The following ATR variants were observed in gnomAD, a reference collection of about 807,000 sequenced individuals.
The protein encoded by ATR is serine/threonine-protein kinase ATR.
ATR carries 142 observed loss-of-function variants against 305.3 expected under a neutral mutation model. The ratio of observed to expected loss-of-function variants is 0.47; its 90% CI spans 0.41 to 0.53. The LOEUF (loss-of-function observed/expected upper bound fraction) is 0.53. ATR is among the 20% of genes least tolerant of loss of function. The pLI, the probability that ATR is intolerant of heterozygous loss-of-function variation, is 0.00. For missense variants in ATR, 2,135 were observed against 3,133.1 expected, an observed-to-expected ratio of 0.68 and a Z score of 7.60; for synonymous variants, 1,050 against 1,068.1, an observed-to-expected ratio of 0.98 and a Z score of 0.33.
At chr3:142,554,289 C>A (rs1196774316) in intron 10 of ATR, among the ~76,000 whole-genome samples, 1 of 151,872 alleles carries the variant, frequency 6.6e-6, no homozygotes, top group Non-Finnish European at 1.5e-5. Flanking sequence ...GGCATGATCA[C>A]GGCTCACTGC....
intron 40 of ATR, 159 bp from the exon 41 acceptor site, chr3:142,465,399 T>C: frequency 1.9e-6 from 1 of 515,784 alleles, no homozygotes; most frequent in Non-Finnish European, 3.3e-6. Context: ...TAATTATCTA[T>C]GACCTATGAA....
intron 24 of ATR, among the ~76,000 whole-genome samples, chr3:142,518,342 C>T (rs1028823573): frequency 4.6e-5 from 7 of 152,152 alleles, no homozygotes; most frequent in Admixed American, 6.5e-5. Context: ...TATGATGAAA[C>T]TTCATCTCTA....
chr3:142,546,630 T>C (rs893689601), intron 16 of ATR, among the ~76,000 whole-genome samples: 9 of 151,986 alleles, frequency 5.9e-5, no homozygotes, highest in Non-Finnish European at 1.3e-4. Flanking sequence ...ATTTAGAGGA[T>C]AAAGTAGATA....
At chr3:142,522,898 G>T (rs2108396673) in intron 22 of ATR, 57 bp from the exon 23 acceptor site, 1 of 1,298,118 alleles carries the variant, frequency 7.7e-7, no homozygotes, top group Non-Finnish European at 1.1e-6. Flanking sequence ...ATTTTCTTAG[G>T]TGTACTGCTT....
At chr3:142,517,381 T>C (rs1450789400) in intron 24 of ATR, among the ~76,000 whole-genome samples, 1 of 150,268 alleles carries the variant, frequency 6.7e-6, no homozygotes, top group Non-Finnish European at 1.5e-5. Context: ...GTAGGGAGTA[T>C]AACTTAAAGG....
chr3:142,575,468 CAAAAA>C (rs72100236), intron 1 of ATR, among the ~76,000 whole-genome samples: 1 of 122,054 alleles, frequency 8.2e-6, no homozygotes, highest in Non-Finnish European at 1.7e-5. Flanking sequence ...GACTCCGTCT[CAAAAA>C]AAAAAAAAAA....
chr3:142,557,080 A>G (rs1169693136), intron 8 of ATR, among the ~76,000 whole-genome samples: 2 of 151,190 alleles, frequency 1.3e-5, no homozygotes, highest in Non-Finnish European at 2.9e-5. Context: ...AAACTTTAAT[A>G]TGGATATGAA....
At chr3:142,513,698 A>C (rs1237023128) in intron 25 of ATR, 60 bp from the exon 26 acceptor site, 4 of 1,521,730 alleles carry the variant, frequency 2.6e-6, no homozygotes, top group Non-Finnish European at 3.6e-6. Flanking sequence ...AATGTCAAAG[A>C]GTAGCATGTG....
intron 1 of ATR, among the ~76,000 whole-genome samples, chr3:142,568,872 C>T (rs1382411912): frequency 1.3e-5 from 2 of 152,256 alleles, no homozygotes; most frequent in Non-Finnish European, 2.9e-5. Flanking sequence ...GCCTCATCTC[C>T]CTCTGGACTT....
At position 142,562,564 on chromosome 3, in the gene ATR, G is replaced by C. The variant is rs377699114; in HGVS notation, c.838C>G (p.Leu280Val). Residue 280 changes from leucine (L) to valine (V), a missense_variant, in exon 4 of 47, where the codon CTT becomes GTT. Physicochemically the swap from Leu to Val is conservative, Grantham distance 32. Coordinates refer to ENST00000350721, the MANE Select transcript of ATR (RefSeq NM_001184.4). ...FSSFLELLKH[L>V]VEMDTDQLKL... is the part of the protein sequence containing the mutation. ...AATTGGTCAGTATCCATTTCTACAA[G>C]GTGTTTTAATAATTCCAAAAATGAG... is the stretch of plus-strand genomic sequence containing the variant. 2 of 1,613,820 alleles carry C rather than the reference G, an allele frequency of 1.2e-6. No homozygotes were observed. The highest frequency in any genetic ancestry group is 2.2e-5 in the South Asian group (2 of 91,052).
chr3:142,554,669 C>T (rs1174730157), intron 10 of ATR, among the ~76,000 whole-genome samples: 1 of 152,150 alleles, frequency 6.6e-6, no homozygotes, highest in African/African-American at 2.4e-5. Flanking sequence ...TACCTGTAAT[C>T]CCAACACTCT....
In ATR at chr3:142,512,422, T is replaced by C. The variant is rs1458143142; in HGVS notation, c.4690A>G (p.Ile1564Val). Residue 1564 changes from isoleucine (I) to valine (V), a missense_variant, in exon 27 of 47, where the codon ATA becomes GTA. This residue lies in a region of ATR where 202 missense variants were observed against 252.9 expected (regional missense o/e 0.80). Transcript: ENST00000350721. ...TCAGATGCAATGTCTTGGGTATTTA[T>C]GGTATGCTGATCGTCATGCTTTAGA... ...AVLKHDDQHTINTQDIASDLC... is the reference protein window; with the variant it reads ...AVLKHDDQHTVNTQDIASDLC... 6.2e-7 allele frequency: 1 copy of C among 1,613,912 alleles called. No homozygotes were observed. The highest frequency in any genetic ancestry group is 1.1e-5 in the South Asian group (1 of 91,070).
intron 31 of ATR, 83 bp downstream of exon 31, chr3:142,499,544 T>C: frequency 1.5e-6 from 2 of 1,292,646 alleles, no homozygotes; most frequent in South Asian, 2.4e-5. Flanking sequence ...TCCGCCCGCC[T>C]CAGCCGCCCA....
rs751401257 is a variant in ATR, at chr3:142,560,277, A to T, written c.1527T>A (p.His509Gln). ...LTALCTVHCSHQNMNCRTFKD... is the reference protein window; with the variant it reads ...LTALCTVHCSQQNMNCRTFKD... Reference sequence around the variant, plus strand: ...GTTTGTTTTACCAGTTCATGTTTTGATGAGAACAATGAACAGTACACAGAG... The same window carrying T: ...GTTTGTTTTACCAGTTCATGTTTTGTTGAGAACAATGAACAGTACACAGAG... The change falls in exon 6 of 47, where the codon CAT becomes CAA. Residue 509 changes from histidine (H) to glutamine (Q), a missense_variant. Around this residue, in one of 9 missense-constraint regions of ATR, gnomAD observed 744 missense variants for 873.2 expected, o/e 0.85. Transcript: ENST00000350721. The T allele has an allele frequency of 1.9e-6, 3 of 1,613,730 alleles. No homozygotes were observed. In the African/African-American group the frequency reaches 4.0e-5, roughly 22 times the overall value.
At chr3:142,549,744 T>C in intron 14 of ATR, 71 bp from the exon 15 acceptor site, 1 of 1,424,032 alleles carries the variant, frequency 7.0e-7, no homozygotes. Context: ...ATAAGCTATG[T>C]GCAAAAATAT....
At chr3:142,500,504 C>T (rs1367988664) in intron 30 of ATR, among the ~76,000 whole-genome samples, 3 of 152,048 alleles carry the variant, frequency 2.0e-5, no homozygotes, top group Non-Finnish European at 4.4e-5. Context: ...AGGCTAGGTA[C>T]AATTTTCCAT....
chr3:142,474,927 GT>G (rs1056823815), intron 36 of ATR, among the ~76,000 whole-genome samples: 1 of 150,064 alleles, frequency 6.7e-6, no homozygotes, highest in Non-Finnish European at 1.5e-5. Context: ...AAAAAAGTTT[GT>G]TTTTTTTTAA....
At chr3:142,477,557 T>C (rs2029968603) in intron 36 of ATR, among the ~76,000 whole-genome samples, 1 of 152,184 alleles carries the variant, frequency 6.6e-6, no homozygotes. Context: ...AATTCTCTTT[T>C]TTTGTTGTGT....
At chr3:142,512,513 C>T (rs2108372970) in intron 26 of ATR, 43 bp from the exon 27 acceptor site, 1 of 1,415,910 alleles carries the variant, frequency 7.1e-7, no homozygotes, top group Non-Finnish European at 9.6e-7. Context: ...CTATATAATA[C>T]CATTTAACTA....
Sources: gnomAD v4.1 joint callset for allele counts (sites outside exome capture counted in the v4.1 genomes callset) on GRCh38, gnomAD v4.1.1 for gene constraint, gnomAD v4.1.1 regional missense constraint, MANE v1.5 for transcripts, NCBI Gene and HGNC (gene_info 2026-07-23, HGNC 2026-07-21) for gene names.